ANKMY1: variants seen among roughly 807,000 people sequenced by gnomAD.
The protein encoded by ANKMY1 is ankyrin repeat and MYND domain containing 1.
Under a neutral mutation model 102.0 loss-of-function variants are expected in ANKMY1, and 98 were observed. The ratio of observed to expected loss-of-function variants is 0.96; its 90% CI spans 0.82 to 1.14. The LOEUF (loss-of-function observed/expected upper bound fraction) is 1.14. ANKMY1 is among the 50% of genes most tolerant of loss of function. The pLI, the probability that ANKMY1 is intolerant of heterozygous loss-of-function variation, is 0.00. For synonymous variants in ANKMY1, 582 were observed against 559.9 expected, an observed-to-expected ratio of 1.04 and a Z score of -0.56; for missense variants, 1,330 against 1,347.6, an observed-to-expected ratio of 0.99 and a Z score of 0.20.
chr2:240,561,043 G>C (rs537091038), upstream of ANKMY1: 45 of 1,516,994 alleles, frequency 3.0e-5, no homozygotes, highest in Middle Eastern at 4.7e-4. Context: ...TACCTCATGC[G>C]GCACCGCGGC....
At chr2:240,556,573 C>G (rs765150666) in intron 2 of ANKMY1, among the ~76,000 whole-genome samples, 1 of 152,240 alleles carries the variant, frequency 6.6e-6, no homozygotes, top group African/African-American at 2.4e-5. Flanking sequence ...CTTCTCAGAT[C>G]TAAGTGTGCT....
intron 17 of ANKMY1, 82 bp downstream of exon 17, chr2:240,480,855 G>A (rs1452139685): frequency 6.8e-7 from 1 of 1,481,246 alleles, no homozygotes; most frequent in African/African-American, 1.4e-5. Context: ...AAATGAGGGT[G>A]CCCCTCACCA....
rs572641204 is a variant in ANKMY1 at position 240,526,558 on chromosome 2, C to A, written c.954-113G>T. 144 of 1,517,908 alleles carry A rather than the reference C, an allele frequency of 9.5e-5. 1 individual carries two copies. Among genetic ancestry groups the A allele is most frequent in the South Asian group, 6.0e-4 (47 of 78,864 alleles). 94.0% of individuals were successfully genotyped at this position (1,517,908 alleles called of 1,614,324 possible). ...CCTCTCCCTCTTGTGGCTCAGCCCC[C>A]CACTGTTCACTCCTCAGGTACCCTG... On this transcript the variant is annotated intron_variant, in intron 5 of 17. Transcript: ENST00000401804.
intron 2 of ANKMY1, among the ~76,000 whole-genome samples, chr2:240,556,824 G>A (rs1224276018): frequency 2.6e-5 from 4 of 152,196 alleles, no homozygotes; most frequent in Admixed American, 2.6e-4. Context: ...GGTGACAGGG[G>A]GACCTCGTGA....
At chr2:240,471,755 T>C in the ANKMY1 span, among the ~76,000 whole-genome samples, 4 of 152,190 alleles carry the variant, frequency 2.6e-5, no homozygotes, top group Admixed American at 6.5e-5. Context: ...TGGGAAATCC[T>C]GATGGAGCCC....
intron 6 of ANKMY1, 103 bp downstream of exon 6, chr2:240,526,125 AC>A (rs900194310): frequency 7.3e-7 from 1 of 1,362,892 alleles, no homozygotes; most frequent in Admixed American, 1.8e-5. Flanking sequence ...GTCCCCATGT[AC>A]CTCAGCTCTG....
intron 4 of ANKMY1, among the ~76,000 whole-genome samples, chr2:240,542,660 G>A (rs2089230534): frequency 6.6e-6 from 1 of 151,526 alleles, no homozygotes; most frequent in Non-Finnish European, 1.5e-5. Flanking sequence ...GAGTTCCAAG[G>A]TAAGAGCTAT....
At chr2:240,552,802 C>T (rs527287041) in intron 4 of ANKMY1, 112 bp downstream of exon 4, 26 of 1,524,310 alleles carry the variant, frequency 1.7e-5, no homozygotes, top group Admixed American at 3.4e-5. Context: ...AGTAAAAAAG[C>T]TACTTGTAGC....
Position 240,529,954 on chromosome 2 carries a change from G to A in ANKMY1, c.481-445C>T, listed in dbSNP as rs186787791. Among the ~76,000 whole-genome samples, 206 of 151,244 alleles carry A rather than the reference G, an allele frequency of 1.4e-3. No individual in the cohort carries two copies. The highest frequency in any genetic ancestry group is 4.8e-3 in the African/African-American group (197 of 41,330). ...GCAGGAGAAGGAGGAGGAGATAGAGGAAAGGAAGAGGAGGAGGAGGAAGAG... is the reference window on the plus strand; with the variant it reads ...GCAGGAGAAGGAGGAGGAGATAGAGAAAAGGAAGAGGAGGAGGAGGAAGAG... On this transcript the variant is annotated intron_variant, in intron 4 of 17. Coordinates refer to ENST00000401804, the MANE Select transcript of ANKMY1 (RefSeq NM_001282771.3). The surrounding 1 kb of genome is among the most constrained non-coding windows in gnomAD (Gnocchi z 4.2).
upstream of ANKMY1, among the ~76,000 whole-genome samples, chr2:240,559,090 G>A (rs904377047): frequency 6.6e-6 from 1 of 152,162 alleles, no homozygotes; most frequent in Non-Finnish European, 1.5e-5. Flanking sequence ...TTACACTGTG[G>A]GGGACTAGCA....
intron 4 of ANKMY1, among the ~76,000 whole-genome samples, chr2:240,545,562 A>G (rs182344606): frequency 0.03 from 4,641 of 152,178 alleles, 100 homozygotes; most frequent in Middle Eastern, 0.13. Context: ...AAATTACTCC[A>G]AGCTACGGGA....
upstream of ANKMY1, chr2:240,560,751 G>A (rs1382446015): frequency 3.3e-6 from 5 of 1,504,170 alleles, no homozygotes; most frequent in Non-Finnish European, 4.4e-6. Context: ...GGTGCGCGTC[G>A]CGCCCTCACT....
the ANKMY1 span, among the ~76,000 whole-genome samples, chr2:240,468,851 T>C: frequency 6.6e-6 from 1 of 152,082 alleles, no homozygotes; most frequent in Admixed American, 6.5e-5. Flanking sequence ...ACTCCACTGC[T>C]TAGTAGGTCC....
Position 240,520,265 on chromosome 2 carries a change from C to T in ANKMY1, c.2004+97G>A. 1 of 1,485,772 alleles carries T rather than the reference C, an allele frequency of 6.7e-7. No homozygotes were observed. Among genetic ancestry groups the T allele is most frequent in the Middle Eastern group, 1.9e-4 (1 of 5,188 alleles). The allele number at this position is 1,485,772 out of a possible 1,614,324, so 92.0% of individuals were successfully genotyped here. On this transcript the variant is annotated intron_variant, in intron 9 of 17. Coordinates refer to ENST00000401804, the MANE Select transcript of ANKMY1 (RefSeq NM_001282771.3). The surrounding 1 kb of genome is among the most constrained non-coding windows in gnomAD (Gnocchi z 4.8). ...CCAGGTGGTCGCCTGCAAGAGCCCA[C>T]CCCTCTCTTCCGCGCCTAGGTGGAG...
At chr2:240,539,174 T>C (rs1317655595) in intron 4 of ANKMY1, among the ~76,000 whole-genome samples, 1 of 152,196 alleles carries the variant, frequency 6.6e-6, no homozygotes, top group Admixed American at 6.5e-5. Flanking sequence ...TACATCTTTC[T>C]GCTGCTCACT....
rs1453370617 is a variant in ANKMY1, at chr2:240,506,088, G to A, written c.2526+1472C>T. ...GCTGGGGAGCCCCCTAACCCTGGAC[G>A]AGGTGCTGGGGAGCCCCCAACCCTG... On this transcript the variant is annotated intron_variant, in intron 13 of 17. Coordinates refer to ENST00000401804, the MANE Select transcript of ANKMY1 (RefSeq NM_001282771.3). The surrounding 1 kb of genome is among the most constrained non-coding windows in gnomAD (Gnocchi z 4.9). Among the ~76,000 whole-genome samples the A allele has an allele frequency of 2.0e-5, 3 of 151,432 alleles. No homozygotes were observed. The highest frequency in any genetic ancestry group is 2.1e-4 in the South Asian group (1 of 4,782).
chr2:240,531,462 C>A (rs1559344212), intron 4 of ANKMY1, among the ~76,000 whole-genome samples: 1 of 152,018 alleles, frequency 6.6e-6, no homozygotes, highest in African/African-American at 2.4e-5. Flanking sequence ...TCATAGAAAC[C>A]AAAAATTTGG....
chr2:240,508,680 A>G (rs970526121), intron 12 of ANKMY1, among the ~76,000 whole-genome samples: 2 of 152,216 alleles, frequency 1.3e-5, no homozygotes, highest in East Asian at 1.9e-4. Flanking sequence ...GAGACTGTTT[A>G]ATTCAACACC....
intron 4 of ANKMY1, among the ~76,000 whole-genome samples, chr2:240,530,811 G>A (rs2085181076): frequency 6.6e-6 from 1 of 152,140 alleles, no homozygotes; most frequent in African/African-American, 2.4e-5. Flanking sequence ...CTACTCAGAG[G>A]CTGAGTTGGA....
Sources: allele counts gnomAD v4.1 joint callset (sites outside exome capture counted in the v4.1 genomes callset), GRCh38; gene constraint gnomAD v4.1.1; non-coding constraint Gnocchi (gnomAD v3.1); transcripts MANE v1.5; gene names NCBI Gene and HGNC (gene_info 2026-07-23, HGNC 2026-07-21).